TAOK3: variants seen among roughly 807,000 people sequenced by gnomAD.
TAOK3 encodes the protein serine/threonine-protein kinase TAO3.
In TAOK3, 40 loss-of-function variants were observed where a neutral mutation model predicts 120.4. The ratio of observed to expected loss-of-function variants is 0.33; its 90% CI spans 0.26 to 0.43. The LOEUF is 0.43. TAOK3 is among the 20% of genes least tolerant of loss of function. TAOK3 has a pLI of 1.00. For synonymous variants in TAOK3, 355 were observed against 387.5 expected (o/e 0.92, Z 0.99); for missense variants, 821 against 1,112.1 (o/e 0.74, Z 3.72).
chr12:118,294,699 A>C (rs12227974), intron 1 of TAOK3, among the ~76,000 whole-genome samples: 8,260 of 152,174 alleles, frequency 0.054, 464 homozygotes, highest in East Asian at 0.25. Flanking sequence ...ACAATTACAC[A>C]GCATACACTA....
intron 3 of TAOK3, among the ~76,000 whole-genome samples, chr12:118,248,978 A>T (rs1472114422): frequency 2.0e-5 from 3 of 151,586 alleles, no homozygotes; most frequent in Non-Finnish European, 4.4e-5. Flanking sequence ...ATAGAAACTT[A>T]AAAAAAAATC....
At chr12:118,293,820 C>T (rs185201003) in intron 1 of TAOK3, among the ~76,000 whole-genome samples, 89 of 152,050 alleles carry the variant, frequency 5.9e-4, no homozygotes, top group African/African-American at 2.0e-3. Flanking sequence ...TCGAGACCAG[C>T]CTGACCCACA....
intron 19 of TAOK3, chr12:118,159,914 C>T (rs2035106546): frequency 5.3e-6 from 3 of 565,328 alleles, no homozygotes; most frequent in Admixed American, 6.3e-5. Flanking sequence ...TCCCTATGTG[C>T]CACAGGTCTG....
At chr12:118,203,919 A>G (rs1414399992) in intron 11 of TAOK3, among the ~76,000 whole-genome samples, 2 of 152,208 alleles carry the variant, frequency 1.3e-5, no homozygotes, top group South Asian at 2.1e-4. Flanking sequence ...TGCCCCTTAT[A>G]TAGCCCCTTT....
intron 19 of TAOK3, among the ~76,000 whole-genome samples, chr12:118,154,694 G>C (rs1390982199): frequency 6.6e-6 from 1 of 152,076 alleles, no homozygotes; most frequent in Non-Finnish European, 1.5e-5. Context: ...GCCTGCCTTG[G>C]CCTCCCAAAA....
chr12:118,364,522 T>C (rs557720042), intron 1 of TAOK3, among the ~76,000 whole-genome samples: 1 of 152,336 alleles, frequency 6.6e-6, no homozygotes, highest in South Asian at 2.1e-4. Flanking sequence ...TAATTATTCT[T>C]TTTGGAAAAA....
Position 118,238,085 on chromosome 12 carries a change from G to C in TAOK3, c.425C>G (p.Ala142Gly), listed in dbSNP as rs372583884. 2 of 1,599,510 alleles carry C rather than the reference G, an allele frequency of 1.3e-6. No homozygotes were observed. Among genetic ancestry groups the C allele is most frequent in the African/African-American group, 1.3e-5 (1 of 74,530 alleles). The change falls in exon 7 of 21, where the codon GCA becomes GGA. Residue 142 changes from alanine (A) to glycine (G), a missense_variant. By Grantham distance (60) the Ala-to-Gly change is moderately conservative. This residue lies in a region of TAOK3 where 467 missense variants were observed against 540.0 expected (regional missense o/e 0.86). Coordinates refer to ENST00000392533, the MANE Select transcript of TAOK3 (RefSeq NM_016281.4). ...TCTCTAATCTTACCTATGAATCAAT[G>C]CATGAGAATGTAGGTAGGCTAGTCC... ...LHGLAYLHSHALIHRDIKAGN... is the reference protein window; with the variant it reads ...LHGLAYLHSHGLIHRDIKAGN...
chr12:118,365,065 T>C (rs559488609), intron 1 of TAOK3, among the ~76,000 whole-genome samples: 1 of 152,354 alleles, frequency 6.6e-6, no homozygotes, highest in South Asian at 2.1e-4. Flanking sequence ...CTTTAGTAAC[T>C]GCCCAGGGTC....
rs1841917868 is a variant in TAOK3, at chr12:118,317,496, AC to A, written c.-193-50738del. On this transcript the variant is annotated intron_variant, in intron 1 of 20. Coordinates refer to ENST00000392533, the MANE Select transcript of TAOK3 (RefSeq NM_016281.4). ...TGTATTTTTAGTAGAGACGGGTTTCACCGTGTTAGCCAGGATGGTCTCGATC... is the reference window on the plus strand; with the variant it reads ...TGTATTTTTAGTAGAGACGGGTTTCACGTGTTAGCCAGGATGGTCTCGATC... 4.6e-5 allele frequency among the ~76,000 whole-genome samples: 7 copies of A among 151,832 alleles called. No homozygotes were observed. The East Asian group carries it at 1.2e-3, about 26-fold the overall frequency.
chr12:118,190,053 T>C (rs2037348546), intron 13 of TAOK3, 112 bp from the exon 14 acceptor site: 1 of 1,402,656 alleles, frequency 7.1e-7, no homozygotes. Flanking sequence ...ATGCATAGTT[T>C]AGCTCTCTGC....
At chr12:118,359,977 T>C (rs1290177730) in intron 1 of TAOK3, among the ~76,000 whole-genome samples, 1 of 152,122 alleles carries the variant, frequency 6.6e-6, no homozygotes, top group Non-Finnish European at 1.5e-5. Context: ...TTATTAAGAA[T>C]GTATGTGGTC....
Position 118,181,572 on chromosome 12 carries a change from G to C in TAOK3, c.1365C>G (p.Asn455Lys). Residue 455 changes from asparagine (N) to lysine (K), a missense_variant, in exon 15 of 21, where the codon AAC becomes AAG. Coordinates refer to ENST00000392533, the MANE Select transcript of TAOK3 (RefSeq NM_016281.4). ...TRQIHEHEQE[N>K]ELREQMSGYK... The stretch of plus-strand genomic sequence containing the variant: ...AACCTGACATCTGTTCCCGCAACTC[G>C]TTCTCCTGCTCATGCTCATGGATCT... 2 of 1,614,160 alleles carry C rather than the reference G, an allele frequency of 1.2e-6. No homozygotes were observed. The highest frequency in any genetic ancestry group is 1.7e-6 in the Non-Finnish European group (2 of 1,180,038).
intron 1 of TAOK3, among the ~76,000 whole-genome samples, chr12:118,362,748 C>T (rs918749494): frequency 1.3e-5 from 2 of 152,028 alleles, no homozygotes; most frequent in East Asian, 1.9e-4. Flanking sequence ...AGGTGTGCAG[C>T]GGCTCACATC....
chr12:118,237,951 A>C, intron 7 of TAOK3, 122 bp downstream of exon 7: 1 of 597,916 alleles, frequency 1.7e-6, no homozygotes, highest in Non-Finnish European at 3.0e-6. Context: ...CAGAAGCAGC[A>C]ATCTATTTGC....
chr12:118,277,483 C>T (rs1266525710), intron 1 of TAOK3, among the ~76,000 whole-genome samples: 1 of 150,768 alleles, frequency 6.6e-6, no homozygotes, highest in Non-Finnish European at 1.5e-5. Flanking sequence ...TTTTTTAAGA[C>T]GGAGTCTTGC....
chr12:118,228,349 G>A (rs573399233), intron 9 of TAOK3, among the ~76,000 whole-genome samples: 2 of 151,716 alleles, frequency 1.3e-5, no homozygotes, highest in African/African-American at 2.4e-5. Context: ...ATGGGGTTTC[G>A]GCATGTTGGT....
chr12:118,254,268 T>C (rs2040882345), intron 3 of TAOK3, among the ~76,000 whole-genome samples: 1 of 152,176 alleles, frequency 6.6e-6, no homozygotes, highest in Admixed American at 6.5e-5. Flanking sequence ...TCCCTTTCTC[T>C]GAATAGTTGT....
intron 9 of TAOK3, among the ~76,000 whole-genome samples, chr12:118,226,882 T>G (rs2039535002): frequency 6.6e-6 from 1 of 152,178 alleles, no homozygotes; most frequent in African/African-American, 2.4e-5. Flanking sequence ...AGGTATCTCT[T>G]GGGGTCTGTA....
At chr12:118,190,754 G>GA (rs1184744389) in intron 13 of TAOK3, among the ~76,000 whole-genome samples, 1 of 152,090 alleles carries the variant, frequency 6.6e-6, no homozygotes, top group Non-Finnish European at 1.5e-5. Context: ...AACGTCCAGT[G>GA]AAAAAATAGC....
Sources: gnomAD v4.1 joint callset for allele counts (sites outside exome capture counted in the v4.1 genomes callset) on GRCh38, gnomAD v4.1.1 for gene constraint, gnomAD v4.1.1 regional missense constraint, MANE v1.5 for transcripts, NCBI Gene and HGNC (gene_info 2026-07-23, HGNC 2026-07-21) for gene names.